The following PDE1A variants were observed in gnomAD, a reference collection of about 807,000 sequenced individuals.
PDE1A encodes phosphodiesterase 1A, also known as dual specificity calcium/calmodulin-dependent 3',5'-cyclic nucleotide phosphodiesterase 1A.
A neutral mutation model predicts 61.7 loss-of-function variants in PDE1A; 35 were observed. The ratio of observed to expected loss-of-function variants is 0.57; its 90% confidence interval spans 0.43 to 0.75. PDE1A has a LOEUF of 0.75. PDE1A is among the 30% of genes least tolerant of loss of function. PDE1A has a pLI of 0.00. For missense variants in PDE1A, 597 were observed against 630.6 expected (o/e 0.95, Z 0.57); for synonymous variants, 232 against 213.2 (o/e 1.09, Z -0.77).
chr2:182,683,508 T>C, the PDE1A span, among the ~76,000 whole-genome samples: 5 of 152,276 alleles, frequency 3.3e-5, no homozygotes, highest in Middle Eastern at 0.01. Context: ...AATGAAACTA[T>C]ACAAGTATGG....
At chr2:182,490,430 G>T (rs1387784190) in intron 2 of PDE1A, among the ~76,000 whole-genome samples, 2 of 152,164 alleles carry the variant, frequency 1.3e-5, no homozygotes, top group African/African-American at 4.8e-5. Context: ...GGAGTGCAAT[G>T]GCTGGACCTC....
intron 2 of PDE1A, among the ~76,000 whole-genome samples, chr2:182,256,672 C>A (rs985608729): frequency 3.0e-4 from 46 of 152,148 alleles, no homozygotes; most frequent in African/African-American, 1.1e-3. Context: ...CCATGGAATA[C>A]TATGCAGCCA....
intron 2 of PDE1A, among the ~76,000 whole-genome samples, chr2:182,250,018 A>G (rs1424333888): frequency 1.3e-5 from 2 of 152,194 alleles, no homozygotes; most frequent in Non-Finnish European, 2.9e-5. Flanking sequence ...AGGAGTGTCC[A>G]TGTCACATTT....
At chr2:182,567,954 G>T in the PDE1A span, among the ~76,000 whole-genome samples, 1 of 151,480 alleles carries the variant, frequency 6.6e-6, no homozygotes, top group Admixed American at 6.6e-5. Context: ...CACCACGCCC[G>T]GCTAATTTTT....
chr2:182,328,700 G>A (rs1697207796), intron 1 of PDE1A, among the ~76,000 whole-genome samples: 1 of 152,092 alleles, frequency 6.6e-6, no homozygotes, highest in Admixed American at 6.6e-5. Flanking sequence ...AGAGTGAGGA[G>A]AAAATCTAGA....
At chr2:182,531,779 C>T in the PDE1A span, among the ~76,000 whole-genome samples, 11 of 152,180 alleles carry the variant, frequency 7.2e-5, no homozygotes, top group African/African-American at 2.4e-4. Context: ...TAAACATGTG[C>T]CATATTGGTT....
intron 8 of PDE1A, 58 bp downstream of exon 8, chr2:182,205,882 C>A (rs987716119): frequency 6.8e-7 from 1 of 1,470,076 alleles, no homozygotes; most frequent in Non-Finnish European, 9.3e-7. Flanking sequence ...GACTTTAAAT[C>A]GCATAATTTA....
the PDE1A span, among the ~76,000 whole-genome samples, chr2:182,635,407 A>G: frequency 6.6e-6 from 1 of 152,070 alleles, no homozygotes; most frequent in Non-Finnish European, 1.5e-5. Context: ...GTAGTATATT[A>G]TAGTTTCCTG....
At chr2:182,456,661 A>G (rs953108764) in intron 2 of PDE1A, among the ~76,000 whole-genome samples, 3 of 152,108 alleles carry the variant, frequency 2.0e-5, no homozygotes, top group African/African-American at 7.2e-5. Flanking sequence ...AAATATCATG[A>G]TCACATTACT....
At chr2:182,337,034 A>C (rs974180662) in intron 1 of PDE1A, among the ~76,000 whole-genome samples, 1 of 152,050 alleles carries the variant, frequency 6.6e-6, no homozygotes, top group Non-Finnish European at 1.5e-5. Context: ...GAATTAAAAT[A>C]AAATACACAT....
At chr2:182,628,821 C>A in the PDE1A span, among the ~76,000 whole-genome samples, 1 of 152,098 alleles carries the variant, frequency 6.6e-6, no homozygotes, top group Non-Finnish European at 1.5e-5. Flanking sequence ...CTCTTGACCC[C>A]CCCAGTGATC....
At chr2:182,521,174 A>G (rs1690542998) in intron 2 of PDE1A, among the ~76,000 whole-genome samples, 1 of 152,058 alleles carries the variant, frequency 6.6e-6, no homozygotes, top group Admixed American at 6.6e-5. Context: ...GGAGGAAAGC[A>G]GAAGGAATTT....
At chr2:182,294,825 A>C (rs1332232079) in intron 1 of PDE1A, among the ~76,000 whole-genome samples, 1 of 152,158 alleles carries the variant, frequency 6.6e-6, no homozygotes, top group African/African-American at 2.4e-5. Context: ...GGGTGTTTAC[A>C]GAGGTGAGCC....
chr2:182,205,620 C>T lies in PDE1A; in HGVS notation c.902+320G>A, dbSNP rs537980995. 7.9e-5 allele frequency among the ~76,000 whole-genome samples: 12 copies of T among 151,854 alleles called. No individual in the cohort carries two copies. In the East Asian group the frequency reaches 2.3e-3, roughly 29 times the overall value. On this transcript the variant is annotated intron_variant, in intron 8 of 13. Transcript: ENST00000351439. ...CCAAAATTTTGAATTTATGTAACAC[C>T]CCATATTGATAAAAATTGAGCAGAG...
chr2:182,598,040 C>T, the PDE1A span, among the ~76,000 whole-genome samples: 8 of 152,170 alleles, frequency 5.3e-5, no homozygotes, highest in Non-Finnish European at 1.2e-4. Flanking sequence ...ACTGGGTCAC[C>T]AATGCAAAAT....
chr2:182,349,992 G>A (rs1020208214), intron 1 of PDE1A, among the ~76,000 whole-genome samples: 1 of 151,806 alleles, frequency 6.6e-6, no homozygotes, highest in Non-Finnish European at 1.5e-5. Flanking sequence ...GATTAACACT[G>A]GCTCCCAGAT....
At chr2:182,321,325 A>G (rs1252789830) in intron 1 of PDE1A, among the ~76,000 whole-genome samples, 1 of 152,148 alleles carries the variant, frequency 6.6e-6, no homozygotes. Flanking sequence ...CTGTGAAGGG[A>G]CATGGTGTTT....
chr2:182,687,913 GA>G, the PDE1A span, among the ~76,000 whole-genome samples: 1 of 151,940 alleles, frequency 6.6e-6, no homozygotes, highest in African/African-American at 2.4e-5. Context: ...CGATCAACTG[GA>G]AAAAAGGGTA....
intron 7 of PDE1A, among the ~76,000 whole-genome samples, chr2:182,217,987 C>T (rs1396626835): frequency 5.3e-5 from 8 of 150,328 alleles, no homozygotes; most frequent in Admixed American, 1.3e-4. Flanking sequence ...TATTGCGGCA[C>T]TATTCACAAT....
Sources: allele counts gnomAD v4.1 joint callset (sites outside exome capture counted in the v4.1 genomes callset), GRCh38; gene constraint gnomAD v4.1.1; transcripts MANE v1.5; gene names NCBI Gene and HGNC (gene_info 2026-07-23, HGNC 2026-07-21).